The following GPHN variants were observed in gnomAD, a reference collection of about 807,000 sequenced individuals.
The protein encoded by GPHN is gephyrin.
Under a neutral mutation model 95.5 loss-of-function variants are expected in GPHN, and 17 were observed. The observed-to-expected ratio is 0.18, with a 90% confidence interval of 0.12 to 0.27. The LOEUF (loss-of-function observed/expected upper bound fraction) is 0.27. Among genes scored for constraint, GPHN ranks in the 10% least tolerant of loss-of-function variants. GPHN has a pLI of 1.00. For synonymous variants in GPHN, 320 were observed against 322.5 expected, an observed-to-expected ratio of 0.99 and a Z score of 0.08; for missense variants, 660 against 978.1, an observed-to-expected ratio of 0.67 and a Z score of 4.34.
At chr14:66,580,039 G>A (rs76574933) in intron 1 of GPHN, among the ~76,000 whole-genome samples, 2,800 of 151,818 alleles carry the variant, frequency 0.018, 27 homozygotes, top group Middle Eastern at 0.054. Context: ...AACCACAGTG[G>A]TATGAAATTA....
chr14:67,193,567 A>ATATATAGATATAGATATATATC, the GPHN span, among the ~76,000 whole-genome samples: 1 of 145,282 alleles, frequency 6.9e-6, no homozygotes, highest in African/African-American at 2.5e-5. Flanking sequence ...ATCTATATCT[A>ATATATAGATATAGATATATATC]TATAGATCTA....
At chr14:67,392,303 T>C in the GPHN span, 3 of 1,446,298 alleles carry the variant, frequency 2.1e-6, no homozygotes, top group Admixed American at 3.3e-5. Context: ...TCCATCTCTC[T>C]TCCCTGCTCA....
chr14:67,500,484 C>CAAAACA, the GPHN span, among the ~76,000 whole-genome samples: 7 of 151,732 alleles, frequency 4.6e-5, no homozygotes, highest in East Asian at 9.7e-4. Flanking sequence ...TCAAACAAAA[C>CAAAACA]AAAACAAAAA....
chr14:66,742,549 T>C (rs540244196), intron 2 of GPHN, among the ~76,000 whole-genome samples: 8 of 152,278 alleles, frequency 5.3e-5, no homozygotes, highest in South Asian at 4.1e-4. Flanking sequence ...CATAGTAGAA[T>C]TGATTTTTAG....
chr14:66,658,979 T>G (rs1314562881), intron 1 of GPHN, among the ~76,000 whole-genome samples: 1 of 151,960 alleles, frequency 6.6e-6, no homozygotes, highest in African/African-American at 2.4e-5. Context: ...TCCTTCTTTC[T>G]GCTTGATTTA....
the GPHN span, among the ~76,000 whole-genome samples, chr14:67,290,263 TAAAG>T: frequency 6.6e-6 from 1 of 151,986 alleles, no homozygotes; most frequent in Non-Finnish European, 1.5e-5. Context: ...GAGAAACTTT[TAAAG>T]AAAGATCAGG....
the GPHN span, chr14:67,382,650 T>C: frequency 6.3e-6 from 10 of 1,588,106 alleles, no homozygotes; most frequent in African/African-American, 1.3e-5. Flanking sequence ...GGAGTTCTTG[T>C]AGGTAAATAA....
At chr14:66,562,408 C>T (rs1412818272) in intron 1 of GPHN, among the ~76,000 whole-genome samples, 3 of 152,050 alleles carry the variant, frequency 2.0e-5, no homozygotes, top group African/African-American at 7.2e-5. Context: ...ATACATATAT[C>T]AAAACATCAC....
chr14:66,613,824 C>G (rs1351615636), intron 1 of GPHN, among the ~76,000 whole-genome samples: 1 of 152,002 alleles, frequency 6.6e-6, no homozygotes, highest in African/African-American at 2.4e-5. Context: ...AAGATACTGC[C>G]AAGCCTTTTT....
chr14:66,990,927 A>G (rs1180974720), intron 9 of GPHN, among the ~76,000 whole-genome samples: 4 of 151,948 alleles, frequency 2.6e-5, no homozygotes, highest in Non-Finnish European at 4.4e-5. Flanking sequence ...AGTGTGAGAT[A>G]AGGATTTAAT....
intron 9 of GPHN, among the ~76,000 whole-genome samples, chr14:67,016,834 CTTA>C (rs2073339647): frequency 6.6e-6 from 1 of 152,074 alleles, no homozygotes; most frequent in African/African-American, 2.4e-5. Flanking sequence ...ATTCTTTATT[CTTA>C]TTGTGCCTCA....
the GPHN span, among the ~76,000 whole-genome samples, chr14:67,596,436 C>T: frequency 2.2e-4 from 33 of 151,602 alleles, no homozygotes; most frequent in East Asian, 3.9e-3. Context: ...CCACCGCACC[C>T]GGCAAAGCTA....
In GPHN at chr14:66,839,429, T is replaced by C. The variant is rs2061988605; in HGVS notation, c.294+14863T>C. On this transcript the variant is annotated intron_variant, in intron 4 of 22. Transcript: ENST00000478722. ...GGTTGTATTGCAGCAAATAACATAA[T>C]ATCCTTACGTGGAATAATCCTCAGG... Among the ~76,000 whole-genome samples, 2 of 152,200 alleles carry C rather than the reference T, an allele frequency of 1.3e-5. 1 individual carries two copies. Among genetic ancestry groups the C allele is most frequent in the South Asian group, 4.1e-4 (2 of 4,832 alleles).
the GPHN span, chr14:67,337,811 T>C: frequency 6.6e-6 from 1 of 152,342 alleles, no homozygotes; most frequent in Non-Finnish European, 1.5e-5. Context: ...TATTTCTTAC[T>C]CTAAAATAGG....
At chr14:66,597,172 T>C (rs1452880665) in intron 1 of GPHN, among the ~76,000 whole-genome samples, 2 of 152,262 alleles carry the variant, frequency 1.3e-5, no homozygotes, top group African/African-American at 4.8e-5. Flanking sequence ...TGGAGTTTGA[T>C]GGCCCGAAGG....
chr14:67,661,613 T>C, the GPHN span, among the ~76,000 whole-genome samples: 1 of 146,652 alleles, frequency 6.8e-6, no homozygotes, highest in Non-Finnish European at 1.5e-5. Flanking sequence ...GCTAACCACA[T>C]GCTTGACCTC....
chr14:67,541,775 A>G, the GPHN span: 1 of 1,220,402 alleles, frequency 8.2e-7, no homozygotes, highest in Non-Finnish European at 1.1e-6. Context: ...TTCTTTCCCC[A>G]CAGAACTCTT....
the GPHN span, among the ~76,000 whole-genome samples, chr14:67,709,054 G>A: frequency 6.6e-6 from 1 of 152,188 alleles, no homozygotes; most frequent in Non-Finnish European, 1.5e-5. Flanking sequence ...GCTTCCCAAA[G>A]TGCTGGGATT....
chr14:66,802,849 A>G (rs1217088007), intron 3 of GPHN, among the ~76,000 whole-genome samples: 6 of 151,834 alleles, frequency 4.0e-5, no homozygotes, highest in Non-Finnish European at 7.4e-5. Context: ...TCGTCCTCAC[A>G]CTTTGTCTCC....
Sources: allele counts gnomAD v4.1 joint callset (sites outside exome capture counted in the v4.1 genomes callset), GRCh38; gene constraint gnomAD v4.1.1; transcripts MANE v1.5; gene names NCBI Gene and HGNC (gene_info 2026-07-23, HGNC 2026-07-21).